RICTOR: variants seen among roughly 807,000 people sequenced by gnomAD.
The protein encoded by RICTOR is RPTOR independent companion of MTOR complex 2.
In RICTOR, 49 loss-of-function variants were observed where a neutral mutation model predicts 214.9. The ratio of observed to expected loss-of-function variants is 0.23; its 90% CI spans 0.18 to 0.29. The LOEUF (loss-of-function observed/expected upper bound fraction) is 0.29, where lower values mean the gene tolerates loss of function less well. Ranked by LOEUF, RICTOR falls within the 10% of genes least tolerant of loss-of-function variation. The probability of loss-of-function intolerance (pLI) is 1.00; values close to 1 mark genes in which losing one functional copy is unlikely to be tolerated. For synonymous variants in RICTOR, 717 were observed against 711.3 expected (o/e 1.01, Z -0.13); for missense variants, 1,625 against 2,047.0 (o/e 0.79, Z 3.98).
chr5:38,981,348 A>G (rs1206105521), intron 8 of RICTOR: 1 of 154,576 alleles, frequency 6.5e-6, no homozygotes, highest in Admixed American at 6.5e-5. Context: ...TAAGGTATAC[A>G]GTAGCCCTGT....
chr5:38,984,380 T>C (rs1248979483), intron 7 of RICTOR, among the ~76,000 whole-genome samples: 1 of 152,220 alleles, frequency 6.6e-6, no homozygotes, highest in Non-Finnish European at 1.5e-5. Flanking sequence ...TTTTTCTCCA[T>C]CTGCTTAACA....
At chr5:39,072,183 A>C (rs1194840064) in intron 2 of RICTOR, among the ~76,000 whole-genome samples, 1 of 152,206 alleles carries the variant, frequency 6.6e-6, no homozygotes, top group Non-Finnish European at 1.5e-5. Flanking sequence ...ACTGAAGTAC[A>C]TTTTGTCAGG....
In RICTOR at chr5:39,025,111, C is replaced by A. The variant is rs1359841478; in HGVS notation, c.98-3975G>T. Reference sequence around the variant, plus strand: ...TAATGAAGATGTTATCCTTCTTAACCCAAACCAAAATGAATCAGCCTTTCT... The same window carrying A: ...TAATGAAGATGTTATCCTTCTTAACACAAACCAAAATGAATCAGCCTTTCT... On this transcript the variant is annotated intron_variant, in intron 2 of 37. Transcript: ENST00000357387. Among the ~76,000 whole-genome samples the A allele has an allele frequency of 2.6e-5, 4 of 152,204 alleles. No individual in the cohort carries two copies. In the East Asian group the frequency reaches 5.8e-4, roughly 22 times the overall value.
Position 38,975,523 on chromosome 5 carries a change from G to A in RICTOR, c.889+14C>T. 6.3e-7 allele frequency: 1 copy of A among 1,590,750 alleles called. No individual in the cohort carries two copies. Among genetic ancestry groups the A allele is most frequent in the South Asian group, 1.1e-5 (1 of 90,578 alleles). ...TTCTTCTTGGATGTTATAAAGCAAT[G>A]TAGAGTAACCTACCTGCCCATGATC... On this transcript the variant is annotated intron_variant, in intron 10 of 37. Transcript: ENST00000357387.
At chr5:38,999,478 G>A (rs555514195) in intron 5 of RICTOR, among the ~76,000 whole-genome samples, 1 of 151,994 alleles carries the variant, frequency 6.6e-6, no homozygotes, top group African/African-American at 2.4e-5. Flanking sequence ...AAAATAGAGG[G>A]ATTTACAGAC....
Position 38,959,320 on chromosome 5 carries a change from G to C in RICTOR, c.2053C>G (p.Leu685Val). The C allele has an allele frequency of 6.7e-7, 1 of 1,482,654 alleles. No individual in the cohort carries two copies. The highest frequency in any genetic ancestry group is 9.1e-7 in the Non-Finnish European group (1 of 1,097,460). The allele number at this position is 1,482,654 out of a possible 1,614,324, so 91.8% of individuals were successfully genotyped here. The change falls in exon 22 of 38, where the codon CTC (leucine) becomes GTC (valine). Residue 685 changes from leucine to valine, a missense_variant and splice_region_variant. Physicochemically the swap from Leu to Val is conservative, Grantham distance 32. Around this residue, in one of 5 missense-constraint regions of RICTOR, gnomAD observed 1,214 missense variants for 1,470.5 expected, o/e 0.83. Transcript: ENST00000357387. Reference sequence around the variant, plus strand: ...TTTTTCAAGGAGCAAAGATTAAGGAGACTTAAAAGAAAAAAAAAATAAGAA... The same window carrying C: ...TTTTTCAAGGAGCAAAGATTAAGGACACTTAAAAGAAAAAAAAAATAAGAA... Reference protein sequence around the residue: ...MLEKCSVFQCLLNLCSLKNQD... With the variant: ...MLEKCSVFQCVLNLCSLKNQD...
At position 38,941,295 on chromosome 5, in the gene RICTOR, C is replaced by T. The variant is rs1025646035; in HGVS notation, c.*1009G>A. 5 of 230,718 alleles carry T rather than the reference C, an allele frequency of 2.2e-5. No homozygotes were observed. The highest frequency in any genetic ancestry group is 4.3e-5 in the Non-Finnish European group (5 of 116,854). The allele number at this position is 230,718 out of a possible 1,614,324, so 14.3% of individuals were successfully genotyped here. A position where few individuals can be genotyped will look rare whatever the true frequency, so the allele number is the denominator to read the frequency against. On this transcript the variant is annotated 3_prime_UTR_variant, in exon 38 of 38. Coordinates refer to ENST00000357387, the MANE Select transcript of RICTOR (RefSeq NM_152756.5). ...ATTTGGTACTTAAGGCTTTTCACTA[C>T]AATTTTTCTCAATAACAAGCTTTAT...
chr5:38,995,071 G>A (rs892026097), intron 6 of RICTOR, among the ~76,000 whole-genome samples: 10 of 152,054 alleles, frequency 6.6e-5, no homozygotes, highest in South Asian at 4.1e-4. Flanking sequence ...CAATTGACTC[G>A]TTTATCAAGA....
chr5:39,042,045 AG>A, intron 2 of RICTOR, among the ~76,000 whole-genome samples: 1 of 152,234 alleles, frequency 6.6e-6, no homozygotes, highest in South Asian at 2.1e-4. Context: ...AAAAATAAGT[AG>A]ATTACCATAG....
intron 5 of RICTOR, among the ~76,000 whole-genome samples, chr5:39,000,647 T>C (rs1174240006): frequency 6.6e-6 from 1 of 151,838 alleles, no homozygotes; most frequent in Non-Finnish European, 1.5e-5. Context: ...TGTAGTAAGG[T>C]AAGAAAAAGA....
intron 31 of RICTOR, among the ~76,000 whole-genome samples, chr5:38,948,160 T>C (rs1267352334): frequency 6.6e-6 from 1 of 152,114 alleles, no homozygotes; most frequent in Non-Finnish European, 1.5e-5. Context: ...TGGTATCTGC[T>C]GTATATATAC....
At chr5:39,034,639 G>A (rs909726338) in intron 2 of RICTOR, among the ~76,000 whole-genome samples, 16 of 152,214 alleles carry the variant, frequency 1.1e-4, no homozygotes, top group Admixed American at 3.9e-4. Context: ...GTTCCAATGG[G>A]CTTAACAAAC....
intron 3 of RICTOR, among the ~76,000 whole-genome samples, chr5:39,006,259 TC>T (rs1234578932): frequency 6.6e-6 from 1 of 152,220 alleles, no homozygotes; most frequent in East Asian, 1.9e-4. Flanking sequence ...CCTGCTGCCT[TC>T]AAACAGGTTT....
intron 30 of RICTOR, among the ~76,000 whole-genome samples, chr5:38,951,223 C>T (rs1402663056): frequency 6.6e-6 from 1 of 151,870 alleles, no homozygotes; most frequent in Non-Finnish European, 1.5e-5. Context: ...TCTCATTTTA[C>T]CTTAGATACT....
At chr5:38,991,919 A>C (rs1752804702) in intron 6 of RICTOR, among the ~76,000 whole-genome samples, 2 of 152,240 alleles carry the variant, frequency 1.3e-5, no homozygotes, top group Non-Finnish European at 1.5e-5. Context: ...ATAGTAATAA[A>C]ATATTAGAGA....
intron 20 of RICTOR, 106 bp downstream of exon 20, chr5:38,960,292 T>A: frequency 9.4e-7 from 1 of 1,060,588 alleles, no homozygotes; most frequent in Non-Finnish European, 1.4e-6. Context: ...ATACGGCTTA[T>A]GCATATTCAG....
intron 2 of RICTOR, among the ~76,000 whole-genome samples, chr5:39,036,191 C>A (rs1401807600): frequency 6.6e-6 from 1 of 152,102 alleles, no homozygotes; most frequent in African/African-American, 2.4e-5. Flanking sequence ...AATATTCAAC[C>A]CAGAATTTCA....
rs1435674757 is a variant in RICTOR, at chr5:38,958,846, G to A, written c.2179-15C>T. 4 of 1,460,574 alleles carry A rather than the reference G, an allele frequency of 2.7e-6. No individual in the cohort carries two copies. The highest frequency in any genetic ancestry group is 2.8e-5 in the South Asian group (2 of 70,570). 90.5% of individuals were successfully genotyped at this position (1,460,574 alleles called of 1,614,324 possible). On this transcript the variant is annotated splice_polypyrimidine_tract_variant and intron_variant, in intron 22 of 37. Transcript: ENST00000357387. Reference sequence around the variant, plus strand: ...AGTCTGCAGGCCTATAAGGATAAATGAATACATTAAAAAAAAAAAAAACTT... The same window carrying A: ...AGTCTGCAGGCCTATAAGGATAAATAAATACATTAAAAAAAAAAAAAACTT...
rs1191482269 is a variant in RICTOR at position 38,997,466 on chromosome 5, A to C, written c.393-584T>G. 2.0e-5 allele frequency among the ~76,000 whole-genome samples: 3 copies of C among 152,298 alleles called. No individual in the cohort carries two copies. In the East Asian group the frequency reaches 5.8e-4, roughly 29 times the overall value. On this transcript the variant is annotated intron_variant, in intron 5 of 37. Coordinates refer to ENST00000357387, the MANE Select transcript of RICTOR (RefSeq NM_152756.5). ...TTATGTAGAAGCATAATTTTTATTT[A>C]GACAGTTCATTATTCTAATCAATGC...
Sources: gnomAD v4.1 joint callset for allele counts (sites outside exome capture counted in the v4.1 genomes callset) on GRCh38, gnomAD v4.1.1 for gene constraint, gnomAD v4.1.1 regional missense constraint, MANE v1.5 for transcripts, NCBI Gene and HGNC (gene_info 2026-07-23, HGNC 2026-07-21) for gene names.